Variants in SLC24A2 observed in about 807,000 individuals in gnomAD.
SLC24A2 encodes the protein sodium/potassium/calcium exchanger 2.
SLC24A2 carries 36 observed loss-of-function variants against 62.0 expected under a neutral mutation model. That is an observed-to-expected ratio of 0.58 (90% CI 0.44 to 0.77). SLC24A2 has a LOEUF of 0.77. Among genes scored for constraint, SLC24A2 ranks in the 30% least tolerant of loss-of-function variants. The probability of loss-of-function intolerance (pLI) is 0.00; values close to 1 mark genes in which losing one functional copy is unlikely to be tolerated. For synonymous variants in SLC24A2, 358 were observed against 294.0 expected, an observed-to-expected ratio of 1.22 and a Z score of -2.23; for missense variants, 846 against 817.9, an observed-to-expected ratio of 1.03 and a Z score of -0.42.
chr9:19,529,751 GTT>G (rs72029564), intron 8 of SLC24A2, among the ~76,000 whole-genome samples: 72 of 135,984 alleles, frequency 5.3e-4, no homozygotes, highest in African/African-American at 1.1e-3. Flanking sequence ...GGAGACCTTC[GTT>G]TTTTTTTTTT....
the SLC24A2 span, among the ~76,000 whole-genome samples, chr9:20,163,751 C>A: frequency 6.6e-6 from 1 of 152,112 alleles, no homozygotes; most frequent in Admixed American, 6.6e-5. Context: ...GCTACAGTAA[C>A]CAAAACAGCA....
the SLC24A2 span, among the ~76,000 whole-genome samples, chr9:20,077,620 G>C: frequency 1.4e-5 from 2 of 144,672 alleles, no homozygotes; most frequent in African/African-American, 4.9e-5. Context: ...GAGAAACTCA[G>C]AAGTGCCTCT....
At chr9:20,246,328 G>C in the SLC24A2 span, among the ~76,000 whole-genome samples, 1 of 152,148 alleles carries the variant, frequency 6.6e-6, no homozygotes, top group African/African-American at 2.4e-5. Flanking sequence ...CCATCACACA[G>C]CTGAACACAT....
chr9:19,897,495 T>G, the SLC24A2 span, among the ~76,000 whole-genome samples: 3 of 152,172 alleles, frequency 2.0e-5, no homozygotes, highest in Non-Finnish European at 4.4e-5. Flanking sequence ...TGTCAATATA[T>G]TTAAATATTA....
chr9:19,575,697 T>A (rs951991674), intron 6 of SLC24A2, among the ~76,000 whole-genome samples: 1 of 152,200 alleles, frequency 6.6e-6, no homozygotes, highest in East Asian at 1.9e-4. Flanking sequence ...TTAAAAAAGA[T>A]TAAATCCAAG....
the SLC24A2 span, among the ~76,000 whole-genome samples, chr9:20,253,859 C>T: frequency 3.9e-5 from 6 of 152,232 alleles, no homozygotes; most frequent in South Asian, 1.2e-3. Flanking sequence ...TATGTCATGA[C>T]CCGTTCTGGG....
At chr9:19,829,834 CACACACAT>C in the SLC24A2 span, among the ~76,000 whole-genome samples, 5 of 131,282 alleles carry the variant, frequency 3.8e-5, no homozygotes, top group African/African-American at 1.1e-4. Flanking sequence ...CACACACACA[CACACACAT>C]ATATAGAACT....
At chr9:19,566,953 C>T (rs1835675784) in intron 7 of SLC24A2, among the ~76,000 whole-genome samples, 1 of 151,166 alleles carries the variant, frequency 6.6e-6, no homozygotes, top group Non-Finnish European at 1.5e-5. Context: ...CACACCGGGG[C>T]CTGTTGTGGG....
At chr9:19,707,328 C>A (rs896755309) in intron 2 of SLC24A2, among the ~76,000 whole-genome samples, 1 of 151,354 alleles carries the variant, frequency 6.6e-6, no homozygotes, top group Non-Finnish European at 1.5e-5. Flanking sequence ...ACCAGAGGTA[C>A]AAGGAGGAGC....
the SLC24A2 span, among the ~76,000 whole-genome samples, chr9:20,090,273 G>GA: frequency 1.3e-5 from 2 of 152,106 alleles, no homozygotes; most frequent in Non-Finnish European, 2.9e-5. Context: ...CAGGAGACAA[G>GA]AAAAAACCCT....
chr9:19,663,195 G>A (rs1819152432), intron 2 of SLC24A2, among the ~76,000 whole-genome samples: 2 of 152,158 alleles, frequency 1.3e-5, no homozygotes, highest in South Asian at 4.1e-4. Flanking sequence ...TACAGATTAG[G>A]AAAAAGAGGC....
chr9:20,241,614 C>T, the SLC24A2 span, among the ~76,000 whole-genome samples: 1 of 152,138 alleles, frequency 6.6e-6, no homozygotes, highest in Non-Finnish European at 1.5e-5. Flanking sequence ...AGGATGATTA[C>T]ATGATCTCTG....
intron 2 of SLC24A2, among the ~76,000 whole-genome samples, chr9:19,636,333 TTC>T (rs1818339644): frequency 9.6e-5 from 3 of 31,152 alleles, no homozygotes; most frequent in East Asian, 5.8e-4. Context: ...CTTTCTTTCT[TTC>T]TTTCTTTCTT....
chr9:19,768,368 A>G (rs1418925216), intron 2 of SLC24A2, among the ~76,000 whole-genome samples: 1 of 152,132 alleles, frequency 6.6e-6, no homozygotes, highest in Non-Finnish European at 1.5e-5. Context: ...TGACCTCTTC[A>G]TTGCTAACCC....
chr9:20,307,799 G>A, the SLC24A2 span, among the ~76,000 whole-genome samples: 1 of 152,146 alleles, frequency 6.6e-6, no homozygotes, highest in African/African-American at 2.4e-5. Flanking sequence ...CTTGCAGAAG[G>A]TGCTGGGATA....
chr9:19,632,816 A>T lies in SLC24A2; in HGVS notation c.931-10517T>A, dbSNP rs995534961. Among the ~76,000 whole-genome samples the T allele has an allele frequency of 7.9e-5, 12 of 152,218 alleles. No homozygotes were observed. Among genetic ancestry groups the T allele is most frequent in the African/African-American group, 2.7e-4 (11 of 41,462 alleles). ...GGAACTCATTCAGATTTCACCAGTT[A>T]TATGTGCACCTATTTGTGTTTGTGC... is the stretch of plus-strand genomic sequence containing the variant. On this transcript the variant is annotated intron_variant, in intron 2 of 10. Transcript: ENST00000341998. The surrounding 1 kb of genome is among the most constrained non-coding windows in gnomAD (Gnocchi z 4.5).
chr9:19,632,662 T>G lies in SLC24A2; in HGVS notation c.931-10363A>C, dbSNP rs1818208867. ...TTCTTATTTGGAAATAATTATAGAT[T>G]CACAAATAGTTGCAAAAATATGTAT... On this transcript the variant is annotated intron_variant, in intron 2 of 10. Transcript: ENST00000341998. This position sits in a 1 kb window ranked among gnomAD's most constrained non-coding sequence, Gnocchi z 4.5. Among the ~76,000 whole-genome samples, 1 of 152,204 alleles carries G rather than the reference T, an allele frequency of 6.6e-6. No homozygotes were observed. Among genetic ancestry groups the G allele is most frequent in the African/African-American group, 2.4e-5 (1 of 41,442 alleles).
the SLC24A2 span, among the ~76,000 whole-genome samples, chr9:20,129,860 A>C: frequency 6.6e-6 from 1 of 151,580 alleles, no homozygotes; most frequent in Non-Finnish European, 1.5e-5. Flanking sequence ...TGTAAAGGAA[A>C]TGCTTGCACA....
At chr9:20,197,657 C>G in the SLC24A2 span, among the ~76,000 whole-genome samples, 2 of 152,044 alleles carry the variant, frequency 1.3e-5, no homozygotes, top group African/African-American at 2.4e-5. Flanking sequence ...GTCTTGAACT[C>G]CTGGCCTCAA....
Sources: allele counts gnomAD v4.1 joint callset (sites outside exome capture counted in the v4.1 genomes callset), GRCh38; gene constraint gnomAD v4.1.1; non-coding constraint Gnocchi (gnomAD v3.1); transcripts MANE v1.5; gene names NCBI Gene and HGNC (gene_info 2026-07-23, HGNC 2026-07-21).